The following ABCA13 variants were observed in gnomAD, a reference collection of about 807,000 sequenced individuals.
ABCA13 encodes ATP-binding cassette sub-family A member 13.
Under a neutral mutation model 478.7 loss-of-function variants are expected in ABCA13, and 476 were observed. The observed-to-expected ratio is 0.99, with a 90% confidence interval of 0.92 to 1.07. ABCA13 has a LOEUF of 1.07. Among genes scored for constraint, ABCA13 ranks in the 50% least tolerant of loss-of-function variants. The pLI is 0.00. For synonymous variants in ABCA13, 2,252 were observed against 2,158.9 expected (o/e 1.04, Z -1.20); for missense variants, 6,060 against 5,910.6 (o/e 1.03, Z -0.83).
At chr7:48,609,893 C>T (rs193064854) in intron 58 of ABCA13, among the ~76,000 whole-genome samples, 246 of 152,326 alleles carry the variant, frequency 1.6e-3, no homozygotes, top group South Asian at 4.1e-3. Context: ...AAATCATCTC[C>T]GGCCAGGCCC....
At chr7:48,509,415 G>C (rs540361842) in intron 50 of ABCA13, among the ~76,000 whole-genome samples, 2 of 152,318 alleles carry the variant, frequency 1.3e-5, no homozygotes, top group South Asian at 4.1e-4. Flanking sequence ...GGGAAGAAGT[G>C]TGTGGCAAGA....
intron 48 of ABCA13, among the ~76,000 whole-genome samples, chr7:48,501,343 C>T (rs12674031): frequency 0.14 from 20,874 of 152,046 alleles, 1,837 homozygotes; most frequent in African/African-American, 0.23. Flanking sequence ...CCCCAAAATG[C>T]TTAGGAATTG....
At chr7:48,188,777 C>A (rs1562732090) in intron 1 of ABCA13, among the ~76,000 whole-genome samples, 1 of 152,126 alleles carries the variant, frequency 6.6e-6, no homozygotes, top group Admixed American at 6.5e-5. Flanking sequence ...TCCCAAATGC[C>A]ATCGTGGCTC....
chr7:48,213,971 G>A (rs1292619811), intron 3 of ABCA13, among the ~76,000 whole-genome samples: 1 of 152,182 alleles, frequency 6.6e-6, no homozygotes, highest in Non-Finnish European at 1.5e-5. Context: ...CTCCACTGAA[G>A]TCTGGAACCC....
chr7:48,186,257 G>A (rs1796336931), intron 1 of ABCA13, among the ~76,000 whole-genome samples: 1 of 151,376 alleles, frequency 6.6e-6, no homozygotes, highest in Admixed American at 6.6e-5. Flanking sequence ...TGGATAACTT[G>A]GTTTCTGATT....
At chr7:48,313,278 T>C (rs751153796) in intron 25 of ABCA13, 47 bp downstream of exon 25, 3 of 1,541,934 alleles carry the variant, frequency 1.9e-6, no homozygotes, top group East Asian at 2.3e-5. Flanking sequence ...AATTTGCCCC[T>C]TCTTTGTATT....
At position 48,340,816 on chromosome 7, in the gene ABCA13, A is replaced by C. The variant is rs1299298015; in HGVS notation, c.10204+2361A>C. Among the ~76,000 whole-genome samples the C allele has an allele frequency of 2.0e-5, 3 of 152,016 alleles. No individual in the cohort carries two copies. In the East Asian group the frequency reaches 5.9e-4, roughly 30 times the overall value. Reference sequence around the variant, plus strand: ...ATTATTATAAAAGTTTTTCATATCTATAAATATTGACTGTTACTAAGAAAA... The same window carrying C: ...ATTATTATAAAAGTTTTTCATATCTCTAAATATTGACTGTTACTAAGAAAA... On this transcript the variant is annotated intron_variant, in intron 29 of 61. Transcript: ENST00000435803.
chr7:48,315,693 T>A (rs954941323), intron 26 of ABCA13, among the ~76,000 whole-genome samples: 2 of 152,164 alleles, frequency 1.3e-5, no homozygotes, highest in African/African-American at 4.8e-5. Flanking sequence ...TTATCCAGGA[T>A]GGTCTCGATC....
At chr7:48,401,006 C>T (rs1002516187) in intron 38 of ABCA13, among the ~76,000 whole-genome samples, 4 of 152,334 alleles carry the variant, frequency 2.6e-5, no homozygotes, top group East Asian at 1.9e-4. Flanking sequence ...ACATATGATA[C>T]GTGTCACAGG....
At chr7:48,486,980 G>A (rs1010407924) in intron 47 of ABCA13, among the ~76,000 whole-genome samples, 2 of 152,164 alleles carry the variant, frequency 1.3e-5, no homozygotes, top group Admixed American at 6.5e-5. Context: ...TGTGGATACA[G>A]GGATGGTGAA....
chr7:48,232,163 T>TTTTTTTTTC (rs1789235169), intron 7 of ABCA13, among the ~76,000 whole-genome samples: 1 of 138,950 alleles, frequency 7.2e-6, no homozygotes, highest in African/African-American at 2.6e-5. Flanking sequence ...TTTTTTTTTT[T>TTTTTTTTTC]TAGCTTTCTG....
intron 27 of ABCA13, among the ~76,000 whole-genome samples, chr7:48,330,068 TCC>T (rs1805038649): frequency 6.6e-6 from 1 of 151,606 alleles, no homozygotes; most frequent in Admixed American, 6.6e-5. Flanking sequence ...CATCCATCCA[TCC>T]ATCCATTCAT....
At chr7:48,538,028 T>G (rs1410722859) in intron 55 of ABCA13, among the ~76,000 whole-genome samples, 3 of 149,048 alleles carry the variant, frequency 2.0e-5, no homozygotes, top group Non-Finnish European at 4.4e-5. Context: ...GATTTTAATA[T>G]AGTATTTTTA....
chr7:48,571,378 A>G (rs1419499298), intron 55 of ABCA13, among the ~76,000 whole-genome samples: 8 of 152,304 alleles, frequency 5.3e-5, no homozygotes, highest in Middle Eastern at 3.4e-3. Context: ...ACTGTCAACA[A>G]ACTCTCTCAG....
At chr7:48,222,060 T>A (rs748838983) in intron 5 of ABCA13, among the ~76,000 whole-genome samples, 3 of 152,110 alleles carry the variant, frequency 2.0e-5, no homozygotes, top group Non-Finnish European at 4.4e-5. Flanking sequence ...TCAAAAAAAA[T>A]ATGCCATAAA....
chr7:48,580,349 G>A lies in ABCA13; in HGVS notation c.14480G>A (p.Gly4827Glu), dbSNP rs1228035484. 1 of 1,612,636 alleles carries A rather than the reference G, an allele frequency of 6.2e-7. No homozygotes were observed. The highest frequency in any genetic ancestry group is 1.3e-5 in the African/African-American group (1 of 74,898). The change falls in exon 56 of 62, where the codon GGG becomes GAG. Residue 4827 changes from glycine (G) to glutamate (E), a missense_variant. Coordinates refer to ENST00000435803, the MANE Select transcript of ABCA13 (RefSeq NM_152701.5). ...EHLYYYCSLRGIPRQCIPEVA... is the reference protein window; with the variant it reads ...EHLYYYCSLREIPRQCIPEVA... ...CTCTATTATTACTGTAGCTTACGCG[G>A]GATTCCAAGGCAGTGCATCCCTGAG...
chr7:48,207,052 G>A (rs941994082), intron 3 of ABCA13, among the ~76,000 whole-genome samples: 8 of 152,096 alleles, frequency 5.3e-5, no homozygotes, highest in African/African-American at 1.7e-4. Flanking sequence ...ACATATAAGT[G>A]AGAACACATA....
At chr7:48,302,445 G>A (rs1211245830) in intron 23 of ABCA13, among the ~76,000 whole-genome samples, 1 of 152,048 alleles carries the variant, frequency 6.6e-6, no homozygotes, top group African/African-American at 2.4e-5. Flanking sequence ...CATCACCCAG[G>A]TATTAAGCCT....
chr7:48,523,810 A>G (rs1201931321), intron 53 of ABCA13, among the ~76,000 whole-genome samples: 1 of 152,140 alleles, frequency 6.6e-6, no homozygotes, highest in Non-Finnish European at 1.5e-5. Flanking sequence ...TAATCCTTTT[A>G]TGCGATTCAA....
Sources: allele counts gnomAD v4.1 joint callset (sites outside exome capture counted in the v4.1 genomes callset), GRCh38; gene constraint gnomAD v4.1.1; transcripts MANE v1.5; gene names NCBI Gene and HGNC (gene_info 2026-07-23, HGNC 2026-07-21).